PADI3: variants seen among roughly 807,000 people sequenced by gnomAD.
The protein encoded by PADI3 is protein-arginine deiminase type-3.
PADI3 carries 53 observed loss-of-function variants against 71.5 expected under a neutral mutation model. That is an observed-to-expected ratio of 0.74 (90% CI 0.59 to 0.93). PADI3 has a LOEUF of 0.93. Ranked by LOEUF, PADI3 falls within the 40% of genes least tolerant of loss-of-function variation. PADI3 has a pLI of 0.00. For synonymous variants in PADI3, 361 were observed against 347.5 expected (o/e 1.04, Z -0.43); for missense variants, 821 against 868.0 (o/e 0.95, Z 0.68).
At position 17,283,039 on chromosome 1, in the gene PADI3, G is replaced by T. The variant is rs1437225536; in HGVS notation, c.1955G>T (p.Arg652Ile). The change falls in exon 16 of 16, where the codon AGA (arginine) becomes ATA (isoleucine). Residue 652 changes from arginine (R) to isoleucine (I), a missense_variant. Coordinates refer to ENST00000375460, the MANE Select transcript of PADI3 (RefSeq NM_016233.2). ...GEVHCGTNVC[R>I]KPFSFKWWNM... ...GTGCACTGTGGCACCAATGTGTGCA[G>T]AAAGCCCTTCTCTTTCAAGTGGTGG... is the stretch of plus-strand genomic sequence containing the variant. 6.2e-7 allele frequency: 1 copy of T among 1,614,230 alleles called. No individual in the cohort carries two copies. The highest frequency in any genetic ancestry group is 8.5e-7 in the Non-Finnish European group (1 of 1,180,022).
intron 11 of PADI3, among the ~76,000 whole-genome samples, chr1:17,276,061 G>A (rs1281513504): frequency 6.6e-6 from 1 of 152,218 alleles, no homozygotes; most frequent in African/African-American, 2.4e-5. Flanking sequence ...CTGGCTGGGT[G>A]CAGTGGCTCA....
In PADI3 at chr1:17,277,144, T is replaced by C. The variant is rs974937673; in HGVS notation, c.1555+268T>C. Among the ~76,000 whole-genome samples the C allele has an allele frequency of 1.2e-4, 18 of 150,892 alleles. 1 individual carries two copies. Among genetic ancestry groups the C allele is most frequent in the African/African-American group, 4.1e-4 (17 of 41,142 alleles). Reference sequence around the variant, plus strand: ...CTTCCCAGGCAGGTGACCAGTGCAGTCACGGCGTGGAGCTTTAATGTTCTG... The same window carrying C: ...CTTCCCAGGCAGGTGACCAGTGCAGCCACGGCGTGGAGCTTTAATGTTCTG... On this transcript the variant is annotated intron_variant, in intron 13 of 15. Coordinates refer to ENST00000375460, the MANE Select transcript of PADI3 (RefSeq NM_016233.2).
chr1:17,260,745 G>A (rs1395562877), intron 2 of PADI3, among the ~76,000 whole-genome samples: 2 of 152,208 alleles, frequency 1.3e-5, no homozygotes, highest in Non-Finnish European at 2.9e-5. Flanking sequence ...AGGAGAAGGG[G>A]TGGCTTTCCT....
At chr1:17,265,529 C>T (rs2073156233) in intron 3 of PADI3, 130 bp from the exon 4 acceptor site, 9 of 792,946 alleles carry the variant, frequency 1.1e-5, no homozygotes, top group Non-Finnish European at 1.3e-5. Flanking sequence ...GTGCAGATGC[C>T]CTCACCTCTT....
chr1:17,264,765 C>T (rs577077847), intron 3 of PADI3, among the ~76,000 whole-genome samples: 1 of 152,232 alleles, frequency 6.6e-6, no homozygotes, highest in African/African-American at 2.4e-5. Flanking sequence ...AATCCCAGCA[C>T]TTTGGGAGGC....
chr1:17,254,001 C>T (rs776990968), intron 1 of PADI3, among the ~76,000 whole-genome samples: 10 of 152,268 alleles, frequency 6.6e-5, no homozygotes, highest in South Asian at 2.1e-4. Flanking sequence ...TTGTTTGATG[C>T]GAGAGCTCTG....
intron 9 of PADI3, 39 bp downstream of exon 9, chr1:17,271,217 A>G: frequency 1.3e-6 from 2 of 1,557,736 alleles, no homozygotes; most frequent in Non-Finnish European, 1.8e-6. Flanking sequence ...CAAGGACGCC[A>G]TCCTGGAGAG....
chr1:17,270,279 T>A lies in PADI3; in HGVS notation c.699T>A (p.Asp233Glu). The A allele has an allele frequency of 6.2e-7, 1 of 1,613,862 alleles. No individual in the cohort carries two copies. ...CEAYRHVLGQDKVSYEVPRLH... is the reference protein window; with the variant it reads ...CEAYRHVLGQEKVSYEVPRLH... ...CCTATAGGCATGTGCTGGGCCAAGA[T>A]AAGGTGTCCTATGAGGTACCCCGCT... is the stretch of plus-strand genomic sequence containing the variant. The change falls in exon 7 of 16, where the codon GAT becomes GAA. Residue 233 changes from aspartate (D) to glutamate (E), a missense_variant. Physicochemically the swap from Asp to Glu is conservative, Grantham distance 45. Coordinates refer to ENST00000375460, the MANE Select transcript of PADI3 (RefSeq NM_016233.2).
chr1:17,249,275 C>T, intron 1 of PADI3, 46 bp downstream of exon 1: 2 of 1,468,174 alleles, frequency 1.4e-6, no homozygotes, highest in Non-Finnish European at 1.9e-6. Flanking sequence ...GGTGCTGATG[C>T]CCTTGGACCT....
intron 6 of PADI3, among the ~76,000 whole-genome samples, chr1:17,269,271 T>A (rs1557506945): frequency 6.6e-6 from 1 of 152,230 alleles, no homozygotes; most frequent in Non-Finnish European, 1.5e-5. Context: ...CATATGCTGC[T>A]TTCCAACCGG....
intron 11 of PADI3, 66 bp downstream of exon 11, chr1:17,274,852 T>C: frequency 6.6e-7 from 1 of 1,508,048 alleles, no homozygotes; most frequent in Non-Finnish European, 9.1e-7. Context: ...GTGATGATGG[T>C]GGAGCAGGGG....
chr1:17,265,695 G>A lies in PADI3; in HGVS notation c.383G>A (p.Arg128Lys), dbSNP rs1170913723. 1.5e-5 allele frequency: 25 copies of A among 1,614,196 alleles called. No homozygotes were observed. The highest frequency in any genetic ancestry group is 2.1e-5 in the Non-Finnish European group (25 of 1,180,020). ...GATTGCGACCTGAACTGTGAGGGAA[G>A]GCAGGACAGGAACTTTGTAGACAAG... ...SLDCDLNCEG[R>K]QDRNFVDKRQ... The change falls in exon 4 of 16, where the codon AGG (arginine) becomes AAG (lysine). Residue 128 changes from arginine (R) to lysine (K), a missense_variant. Transcript: ENST00000375460.
rs1444343247 is a variant in PADI3 at position 17,265,693 on chromosome 1, A to G, written c.381A>G (p.Gly127=). The G allele has an allele frequency of 8.1e-6, 13 of 1,614,048 alleles. No homozygotes were observed. The highest frequency in any genetic ancestry group is 1.1e-5 in the Non-Finnish European group (13 of 1,180,028). Residue 127 remains glycine (G), a synonymous_variant, in exon 4 of 16, where the codon GGA becomes GGG. Transcript: ENST00000375460. The part of the protein sequence containing the change: ...ISLDCDLNCE[G]RQDRNFVDKR... ...TGGATTGCGACCTGAACTGTGAGGG[A>G]AGGCAGGACAGGAACTTTGTAGACA...
chr1:17,271,137 A>T lies in PADI3; in HGVS notation c.1006A>T (p.Ile336Phe). The change falls in exon 9 of 16, where the codon ATC (isoleucine) becomes TTC (phenylalanine). Residue 336 changes from isoleucine (I) to phenylalanine (F), a missense_variant. By Grantham distance (21) the Ile-to-Phe change is conservative (BLOSUM62 0). Transcript: ENST00000375460. ...CAGGAAGGCCGGCTGCAAGCTGACC[A>T]TCTGCCCACAGGCCGAGAACCGCAA... ...LARKAGCKLT[I>F]CPQAENRNDR... 6.2e-7 allele frequency: 1 copy of T among 1,613,710 alleles called. No individual in the cohort carries two copies. Among genetic ancestry groups the T allele is most frequent in the Non-Finnish European group, 8.5e-7 (1 of 1,180,004 alleles).
chr1:17,279,288 G>T lies in PADI3; in HGVS notation c.1556-1062G>T, dbSNP rs567093330. ...GAGCACTGATTAGACACCTCAGTGC[G>T]CCAGGCCTCACGCTGTGTGCATCAC... is the stretch of plus-strand genomic sequence containing the variant. On this transcript the variant is annotated intron_variant, in intron 13 of 15. Coordinates refer to ENST00000375460, the MANE Select transcript of PADI3 (RefSeq NM_016233.2). Among the ~76,000 whole-genome samples the T allele has an allele frequency of 1.8e-3, 281 of 152,300 alleles. 1 individual carries two copies. The highest frequency in any genetic ancestry group is 6.4e-3 in the African/African-American group (268 of 41,564).
At chr1:17,273,954 G>C (rs2073290605) in intron 10 of PADI3, among the ~76,000 whole-genome samples, 1 of 152,182 alleles carries the variant, frequency 6.6e-6, no homozygotes, top group Non-Finnish European at 1.5e-5. Context: ...CACAGTACCT[G>C]CATGGAGGGA....
Position 17,280,442 on chromosome 1 carries a change from T to C in PADI3, c.1635+13T>C, listed in dbSNP as rs750666891. On this transcript the variant is annotated intron_variant, in intron 14 of 15. Transcript: ENST00000375460. ...TAAGTTTGTGCAGGTACAAGGGCTG[T>C]GGTGTACCTGTGGGCTGTGATTTGG... 1.4e-5 allele frequency: 23 copies of C among 1,604,950 alleles called. No individual in the cohort carries two copies. Among genetic ancestry groups the C allele is most frequent in the Non-Finnish European group, 2.0e-5 (23 of 1,171,588 alleles).
In PADI3 at chr1:17,276,638, G is replaced by A. The variant is rs1484911340; in HGVS notation, c.1427G>A (p.Ser476Asn). The A allele has an allele frequency of 6.2e-7, 1 of 1,614,084 alleles. No homozygotes were observed. The highest frequency in any genetic ancestry group is 2.2e-5 in the East Asian group (1 of 44,884). ...GTGGGCCATGTGGATGAGTTTCTGA[G>A]CTTTGTCCCTGCCCCCGATGGGAAG... Reference protein sequence around the residue: ...LAVGHVDEFLSFVPAPDGKGF... With the variant: ...LAVGHVDEFLNFVPAPDGKGF... The change falls in exon 12 of 16, where the codon AGC becomes AAC. Residue 476 changes from serine to asparagine, a missense_variant. By Grantham distance (46) the Ser-to-Asn change is conservative. Transcript: ENST00000375460.
Position 17,273,447 on chromosome 1 carries a change from G to A in PADI3, c.1155G>A (p.Leu385=), listed in dbSNP as rs2073283935. Residue 385 remains leucine, a splice_region_variant and synonymous_variant, in exon 10 of 16, where the codon CTG becomes CTA. Transcript: ENST00000375460. The part of the protein sequence containing the change: ...ELQDFPYKRI[L]GPDFGYVTRE... Reference sequence around the variant, plus strand: ...AGGATTTCCCTTACAAAAGAATCCTGGTGAGTGGTCCCGGCCGCAGCCCAC... The same window carrying A: ...AGGATTTCCCTTACAAAAGAATCCTAGTGAGTGGTCCCGGCCGCAGCCCAC... 1 of 1,606,430 alleles carries A rather than the reference G, an allele frequency of 6.2e-7. No homozygotes were observed. The highest frequency in any genetic ancestry group is 1.1e-5 in the South Asian group (1 of 90,808).
Sources: allele counts gnomAD v4.1 joint callset (sites outside exome capture counted in the v4.1 genomes callset), GRCh38; gene constraint gnomAD v4.1.1; transcripts MANE v1.5; gene names NCBI Gene and HGNC (gene_info 2026-07-23, HGNC 2026-07-21).